C2CD5: variants seen among roughly 807,000 people sequenced by gnomAD.
C2CD5 encodes the protein C2 calcium dependent domain containing 5, also known as C2 domain-containing protein 5.
In C2CD5, 109 loss-of-function variants were observed where a neutral mutation model predicts 130.3. The observed-to-expected ratio is 0.84, with a 90% CI of 0.72 to 0.98. The LOEUF (loss-of-function observed/expected upper bound fraction) is 0.98, where lower values mean the gene tolerates loss of function less well. C2CD5 is among the 50% of genes least tolerant of loss of function. The pLI, the probability that C2CD5 is intolerant of heterozygous loss-of-function variation, is 0.00. For missense variants in C2CD5, 996 were observed against 1,261.8 expected (o/e 0.79, Z 3.19); for synonymous variants, 454 against 429.2 (o/e 1.06, Z -0.71).
At chr12:22,536,681 T>A (rs1348919191) in intron 2 of C2CD5, among the ~76,000 whole-genome samples, 1 of 152,166 alleles carries the variant, frequency 6.6e-6, no homozygotes, top group Non-Finnish European at 1.5e-5. Context: ...GGATGAAGAA[T>A]AGATTAACAT....
chr12:22,527,638 C>A (rs1161078723), intron 4 of C2CD5, 83 bp downstream of exon 4: 2 of 835,364 alleles, frequency 2.4e-6, no homozygotes, highest in Admixed American at 2.7e-5. Context: ...TATTTTAAAC[C>A]AGCAAATATA....
chr12:22,484,689 A>G lies in C2CD5; in HGVS notation c.1550+8T>C. 6.6e-7 allele frequency: 1 copy of G among 1,518,120 alleles called. No individual in the cohort carries two copies. Among genetic ancestry groups the G allele is most frequent in the South Asian group, 1.3e-5 (1 of 77,056 alleles). The allele number at this position is 1,518,120 out of a possible 1,614,324, so 94.0% of individuals were successfully genotyped here. On this transcript the variant is annotated splice_region_variant and intron_variant, in intron 13 of 26. Coordinates refer to ENST00000446597, the MANE Select transcript of C2CD5 (RefSeq NM_001286176.2). ...CAGGGACACCGAGTGTTGTTTTCAC[A>G]AACATACCTTGCTTGAATAAGACAA...
At position 22,523,486 on chromosome 12, in the gene C2CD5, T is replaced by G; in HGVS notation, c.740A>C (p.Lys247Thr). ...RAIGTACTLDKLSSPAAFLPA... is the reference protein window; with the variant it reads ...RAIGTACTLDTLSSPAAFLPA... Reference sequence around the variant, plus strand: ...AAGGAATGCTGCTGGGCTACTTAATTTATCCAGAGTACACGCCGTTCCTAT... The same window carrying G: ...AAGGAATGCTGCTGGGCTACTTAATGTATCCAGAGTACACGCCGTTCCTAT... Residue 247 changes from lysine (K) to threonine (T), a missense_variant, in exon 7 of 27, where the codon AAA becomes ACA. This residue lies in a region of C2CD5 where 156 missense variants were observed against 165.9 expected (regional missense o/e 0.94). Transcript: ENST00000446597. 6.2e-7 allele frequency: 1 copy of G among 1,614,014 alleles called. No individual in the cohort carries two copies. Among genetic ancestry groups the G allele is most frequent in the Non-Finnish European group, 8.5e-7 (1 of 1,179,968 alleles).
chr12:22,452,334 C>T (rs755687937), intron 26 of C2CD5, among the ~76,000 whole-genome samples: 2 of 152,104 alleles, frequency 1.3e-5, no homozygotes, highest in Admixed American at 6.6e-5. Context: ...TCAAACGATC[C>T]GTGTAGAGGT....
intron 14 of C2CD5, among the ~76,000 whole-genome samples, chr12:22,481,814 T>A (rs1208945010): frequency 6.8e-6 from 1 of 147,106 alleles, no homozygotes; most frequent in African/African-American, 2.5e-5. Flanking sequence ...TTTTTTTTTT[T>A]TTTTTTTATA....
chr12:22,490,629 AC>A lies in C2CD5; in HGVS notation c.1263-412del, dbSNP rs1946213584. On this transcript the variant is annotated intron_variant, in intron 11 of 26. Coordinates refer to ENST00000446597, the MANE Select transcript of C2CD5 (RefSeq NM_001286176.2). ...TTATTAAAATTATTCTAAAAGCACA[AC>A]TATGTAAATATCTCTATATAGGTGA... 2.0e-5 allele frequency among the ~76,000 whole-genome samples: 3 copies of A among 152,218 alleles called. No homozygotes were observed. In the South Asian group the frequency reaches 6.2e-4, roughly 32 times the overall value.
chr12:22,500,205 T>C (rs191767033), intron 10 of C2CD5, among the ~76,000 whole-genome samples: 1 of 149,986 alleles, frequency 6.7e-6, no homozygotes, highest in Non-Finnish European at 1.5e-5. Flanking sequence ...ATTCTAACGC[T>C]GTAGTTAACA....
chr12:22,530,097 TATATATATATATATACACAC>T (rs1186523522), intron 3 of C2CD5, among the ~76,000 whole-genome samples: 3 of 112,260 alleles, frequency 2.7e-5, no homozygotes, highest in South Asian at 2.8e-4. Context: ...TATATATATA[TATATATATATATATACACAC>T]ACACACACAC....
chr12:22,477,799 CTG>C (rs1446805504), intron 15 of C2CD5, among the ~76,000 whole-genome samples: 1 of 152,108 alleles, frequency 6.6e-6, no homozygotes, highest in Admixed American at 6.6e-5. Context: ...AAAAAAGAAA[CTG>C]TAACTGAAAA....
At chr12:22,479,086 T>A (rs1051198685) in intron 14 of C2CD5, among the ~76,000 whole-genome samples, 1 of 152,068 alleles carries the variant, frequency 6.6e-6, no homozygotes, top group Admixed American at 6.6e-5. Flanking sequence ...CAATTTTTTT[T>A]TTTTTGAGAC....
chr12:22,491,128 T>C (rs544276280), intron 11 of C2CD5, among the ~76,000 whole-genome samples: 14 of 152,324 alleles, frequency 9.2e-5, no homozygotes, highest in Admixed American at 4.6e-4. Context: ...TAGCATGGGC[T>C]GGAACAGAAA....
At chr12:22,476,041 G>A (rs1212478534) in intron 15 of C2CD5, among the ~76,000 whole-genome samples, 2 of 151,990 alleles carry the variant, frequency 1.3e-5, no homozygotes, top group Non-Finnish European at 2.9e-5. Flanking sequence ...TAACTGTCTG[G>A]TATTTAATAT....
chr12:22,449,676 T>C lies in C2CD5; in HGVS notation c.*84A>G. 1 of 1,267,206 alleles carries C rather than the reference T, an allele frequency of 7.9e-7. No individual in the cohort carries two copies. Among genetic ancestry groups the C allele is most frequent in the Non-Finnish European group, 1.1e-6 (1 of 897,340 alleles). The allele number at this position is 1,267,206 out of a possible 1,614,324, so 78.5% of individuals were successfully genotyped here. The stretch of plus-strand genomic sequence containing the variant: ...TCTTCCTTATTTATCTCAAGTTCAA[T>C]TTTAAGTCTAAGAAGATAATTAATG... On this transcript the variant is annotated 3_prime_UTR_variant, in exon 27 of 27. Transcript: ENST00000446597.
chr12:22,457,748 C>T (rs942655376), intron 24 of C2CD5, among the ~76,000 whole-genome samples: 1 of 151,032 alleles, frequency 6.6e-6, no homozygotes, highest in African/African-American at 2.4e-5. Context: ...ATAAGCCAGA[C>T]ATATATATAT....
rs753102279 is a variant in C2CD5 at position 22,506,771 on chromosome 12, G to GT, written c.1086dup (p.His363ThrfsTer7). ...CGTGCACTAACTACACCCCCAACGTGTACAAGGAATCCAGGAGGAAATGCC... is the reference window on the plus strand; with the variant it reads ...CGTGCACTAACTACACCCCCAACGTGTTACAAGGAATCCAGGAGGAAATGCC... On this transcript the variant is annotated frameshift_variant, in exon 10 of 27. Transcript: ENST00000446597. LOFTEE classifies it high-confidence loss of function. 3.7e-6 allele frequency: 6 copies of GT among 1,612,458 alleles called. No individual in the cohort carries two copies. In the South Asian group the frequency reaches 6.6e-5, roughly 18 times the overall value.
chr12:22,522,811 G>A (rs1355170655), intron 7 of C2CD5, among the ~76,000 whole-genome samples: 1 of 152,124 alleles, frequency 6.6e-6, no homozygotes, highest in Non-Finnish European at 1.5e-5. Context: ...GTATTCCTCA[G>A]AAAATAAAAT....
chr12:22,478,540 T>A, intron 14 of C2CD5, 63 bp from the exon 15 acceptor site: 1 of 1,427,032 alleles, frequency 7.0e-7, no homozygotes, highest in Non-Finnish European at 9.7e-7. Context: ...TCCTTAAGTT[T>A]TCATATTTAA....
intron 22 of C2CD5, chr12:22,463,639 T>C (rs1941577082): frequency 6.6e-6 from 1 of 152,220 alleles, no homozygotes; most frequent in South Asian, 2.1e-4. Flanking sequence ...AAGTGTTTTG[T>C]CACAGTAGTA....
At chr12:22,521,024 A>G (rs538581203) in intron 7 of C2CD5, among the ~76,000 whole-genome samples, 193 of 152,266 alleles carry the variant, frequency 1.3e-3, no homozygotes, top group African/African-American at 4.5e-3. Flanking sequence ...AGGATGCCTC[A>G]TAATAACCTG....
Sources: gnomAD v4.1 joint callset for allele counts (sites outside exome capture counted in the v4.1 genomes callset) on GRCh38, gnomAD v4.1.1 for gene constraint, gnomAD v4.1.1 regional missense constraint, MANE v1.5 for transcripts, NCBI Gene and HGNC (gene_info 2026-07-23, HGNC 2026-07-21) for gene names.